Variants in MROH1 observed in about 807,000 individuals in gnomAD.
MROH1 encodes the protein maestro heat like repeat family member 1.
MROH1 carries 117 observed loss-of-function variants against 116.5 expected under a neutral mutation model. The observed-to-expected ratio is 1.00, with a 90% CI of 0.86 to 1.17. The LOEUF (loss-of-function observed/expected upper bound fraction) is 1.17, where lower values mean the gene tolerates loss of function less well. Among genes scored for constraint, MROH1 ranks in the 50% most tolerant of loss-of-function variants. The pLI is 0.00. For synonymous variants in MROH1, 921 were observed against 583.9 expected (o/e 1.58, Z -8.32); for missense variants, 1,873 against 1,338.5 (o/e 1.40, Z -6.23).
In MROH1 at chr8:144,242,351, G is replaced by T. The variant is rs935973219; in HGVS notation, c.2179-18G>T. On this transcript the variant is annotated intron_variant, in intron 22 of 43. Transcript: ENST00000326134. Reference sequence around the variant, plus strand: ...TAATTGTGTAACTGAAGTCCCGCTGGTTCCTCTGGCCTCTCAGGATCGAAG... The same window carrying T: ...TAATTGTGTAACTGAAGTCCCGCTGTTTCCTCTGGCCTCTCAGGATCGAAG... 25 of 780,570 alleles carry T rather than the reference G, an allele frequency of 3.2e-5. No individual in the cohort carries two copies. Among genetic ancestry groups the T allele is most frequent in the South Asian group, 1.1e-4 (8 of 74,620 alleles). 48.4% of individuals were successfully genotyped at this position (780,570 alleles called of 1,614,324 possible).
At chr8:144,192,074 C>T (rs1032069381) in intron 9 of MROH1, among the ~76,000 whole-genome samples, 2 of 152,174 alleles carry the variant, frequency 1.3e-5, no homozygotes, top group African/African-American at 4.8e-5. Flanking sequence ...ACCTGGGCCT[C>T]TTGGTCCATG....
chr8:144,261,507 G>T (rs1554835878), intron 43 of MROH1, 148 bp from the exon 44 acceptor site: 1 of 688,744 alleles, frequency 1.5e-6, no homozygotes, highest in African/African-American at 1.8e-5. Context: ...TGTTCCAAAA[G>T]AGCTTAAAAA....
At chr8:144,250,480 C>T (rs1842672602) in intron 33 of MROH1, 114 bp downstream of exon 33, 1 of 700,258 alleles carries the variant, frequency 1.4e-6, no homozygotes, top group Non-Finnish European at 2.6e-6. Context: ...CATGAGTTCC[C>T]ATGGCTGTAG....
intron 14 of MROH1, among the ~76,000 whole-genome samples, chr8:144,236,694 G>T (rs1814236050): frequency 6.6e-6 from 1 of 151,614 alleles, no homozygotes; most frequent in South Asian, 2.1e-4. Flanking sequence ...AGTGAGCTGA[G>T]ATCACCCCAC....
intron 14 of MROH1, among the ~76,000 whole-genome samples, chr8:144,234,848 T>A (rs1839761910): frequency 6.6e-6 from 1 of 151,370 alleles, no homozygotes; most frequent in South Asian, 2.1e-4. Flanking sequence ...ATTTTCAGTT[T>A]ATTATTTGCT....
intron 4 of MROH1, among the ~76,000 whole-genome samples, chr8:144,169,612 C>T (rs1194927512): frequency 1.5e-4 from 22 of 148,366 alleles, no homozygotes; most frequent in Middle Eastern, 3.5e-3. Context: ...CCACCACACA[C>T]GGCTAATTTT....
At chr8:144,237,860 C>T (rs1029233522) in intron 14 of MROH1, among the ~76,000 whole-genome samples, 2 of 152,082 alleles carry the variant, frequency 1.3e-5, no homozygotes, top group Admixed American at 1.3e-4. Context: ...TCCTAACGTT[C>T]GTGTTTCTGG....
Position 144,260,708 on chromosome 8 carries a change from GC to G in MROH1, c.4414del (p.Leu1472SerfsTer86). 1.3e-6 allele frequency: 1 copy of G among 779,560 alleles called. No individual in the cohort carries two copies. Among genetic ancestry groups the G allele is most frequent in the Non-Finnish European group, 2.4e-6 (1 of 417,788 alleles). 48.3% of individuals were successfully genotyped at this position (779,560 alleles called of 1,614,324 possible). ...ATGGAGTTCCGGACGGCATCTATCC[GC>G]CTCTTTGGGCACCTTAACAAGGTCT... ...EKMEFRTASI[R>X]LFGHLNKVCH... On this transcript the variant is annotated frameshift_variant, in exon 40 of 44. Coordinates refer to ENST00000326134, the MANE Select transcript of MROH1 (RefSeq NM_032450.3). LOFTEE classifies it high-confidence loss of function.
chr8:144,161,673 C>T (rs1391763866), intron 2 of MROH1, among the ~76,000 whole-genome samples: 5 of 152,294 alleles, frequency 3.3e-5, no homozygotes, highest in African/African-American at 4.8e-5. Flanking sequence ...TCGCCTGGGC[C>T]GGGAGCAGGC....
At chr8:144,149,344 T>C (rs892171934) in intron 1 of MROH1, among the ~76,000 whole-genome samples, 34 of 152,222 alleles carry the variant, frequency 2.2e-4, no homozygotes, top group Admixed American at 1.6e-3. Flanking sequence ...GGCTAAGGTG[T>C]TTTTGTTAAC....
At chr8:144,197,356 C>T (rs1266035057) in intron 10 of MROH1, among the ~76,000 whole-genome samples, 2 of 141,578 alleles carry the variant, frequency 1.4e-5, no homozygotes, top group African/African-American at 5.4e-5. Flanking sequence ...GTCCCCACAA[C>T]ATGGTGGCTA....
chr8:144,176,212 CAAA>C (rs1302155811), intron 4 of MROH1, among the ~76,000 whole-genome samples: 2 of 143,846 alleles, frequency 1.4e-5, no homozygotes, highest in Non-Finnish European at 3.1e-5. Context: ...ACTGAAAATA[CAAA>C]AAAAAAAATT....
intron 37 of MROH1, 115 bp downstream of exon 37, chr8:144,259,469 A>T: frequency 2.9e-6 from 2 of 696,832 alleles, no homozygotes; most frequent in Non-Finnish European, 5.3e-6. Flanking sequence ...TCTGTGAGGG[A>T]GGTTATGTGG....
chr8:144,232,755 A>G (rs552654679), intron 14 of MROH1, among the ~76,000 whole-genome samples: 1 of 151,750 alleles, frequency 6.6e-6, no homozygotes, highest in Non-Finnish European at 1.5e-5. Flanking sequence ...GGCCTCCCAA[A>G]GTGCTGGGAT....
In MROH1 at chr8:144,242,383, C is replaced by A; in HGVS notation, c.2193C>A (p.Asn731Lys). Residue 731 changes from asparagine to lysine, a missense_variant, in exon 23 of 44, where the codon AAC (asparagine) becomes AAA (lysine). Transcript: ENST00000326134. The stretch of plus-strand genomic sequence containing the variant: ...TGGCCTCTCAGGATCGAAGTGAGAA[C>A]GAAGTGGAGAAGGTGAAGAGTGCTC... ...ILNIFKDRSE[N>K]EVEKVKSALI... The A allele has an allele frequency of 1.3e-6, 1 of 780,706 alleles. No homozygotes were observed. The highest frequency in any genetic ancestry group is 1.3e-5 in the South Asian group (1 of 74,624). The allele number at this position is 780,706 out of a possible 1,614,324, so 48.4% of individuals were successfully genotyped here.
intron 14 of MROH1, among the ~76,000 whole-genome samples, chr8:144,233,807 C>T (rs1282075085): frequency 6.6e-6 from 1 of 152,188 alleles, no homozygotes; most frequent in Non-Finnish European, 1.5e-5. Flanking sequence ...AACATTGTTG[C>T]TTTGTAGCAA....
intron 24 of MROH1, among the ~76,000 whole-genome samples, chr8:144,242,917 C>A (rs923476398): frequency 4.4e-4 from 67 of 151,738 alleles, no homozygotes; most frequent in African/African-American, 1.6e-3. Context: ...ACAGCTGGAA[C>A]CTCCTCTGGC....
chr8:144,255,287 C>T (rs1843519645), intron 34 of MROH1, among the ~76,000 whole-genome samples: 1 of 152,248 alleles, frequency 6.6e-6, no homozygotes. Flanking sequence ...GGCCTGAGGT[C>T]TGTCCTGTGA....
Position 144,260,955 on chromosome 8 carries a change from G to T in MROH1, c.4585G>T (p.Glu1529Ter). 1 of 777,734 alleles carries T rather than the reference G, an allele frequency of 1.3e-6. No individual in the cohort carries two copies. Among genetic ancestry groups the T allele is most frequent in the Non-Finnish European group, 2.4e-6 (1 of 417,758 alleles). The allele number at this position is 777,734 out of a possible 1,614,324, so 48.2% of individuals were successfully genotyped here. The stretch of plus-strand genomic sequence containing the variant: ...GTGTGGCCCCAATCTGGCATGTGAG[G>T]AGCTCTCAGCTGCTTTCCAGAAACA... ...RMCGPNLACE[E>*]LSAAFQKHLQ... The change falls in exon 41 of 44, where the codon GAG (glutamate) becomes TAG (stop). Residue 1529 changes from glutamate (E) to a stop codon, truncating the protein, a stop_gained. Coordinates refer to ENST00000326134, the MANE Select transcript of MROH1 (RefSeq NM_032450.3). LOFTEE classifies it high-confidence loss of function.
Sources: allele counts gnomAD v4.1 joint callset (sites outside exome capture counted in the v4.1 genomes callset), GRCh38; gene constraint gnomAD v4.1.1; transcripts MANE v1.5; gene names NCBI Gene and HGNC (gene_info 2026-07-23, HGNC 2026-07-21).